The following ZNF169 variants were observed in gnomAD, a reference collection of about 807,000 sequenced individuals.
ZNF169 encodes zinc finger protein 169.
A neutral mutation model predicts 12.0 loss-of-function variants in ZNF169; 11 were observed. The observed-to-expected ratio is 0.92, with a 90% CI of 0.58 to 1.52. The LOEUF is 1.52. Ranked by LOEUF, ZNF169 falls within the 40% of genes most tolerant of loss-of-function variation. The pLI is 0.00. For missense variants in ZNF169, 722 were observed against 744.0 expected (o/e 0.97, Z 0.34); for synonymous variants, 302 against 286.5 (o/e 1.05, Z -0.55).
At chr9:94,264,236 A>C (rs1483570254) in intron 1 of ZNF169, among the ~76,000 whole-genome samples, 1 of 152,170 alleles carries the variant, frequency 6.6e-6, no homozygotes, top group Non-Finnish European at 1.5e-5. Flanking sequence ...TCGCGGGTTC[A>C]AGCGCTTCTC....
chr9:94,297,184 T>C (rs918605405), intron 4 of ZNF169, among the ~76,000 whole-genome samples: 4 of 152,362 alleles, frequency 2.6e-5, no homozygotes, highest in Middle Eastern at 3.4e-3. Flanking sequence ...GAGATTTTGA[T>C]TGGGATCGAG....
In ZNF169 at chr9:94,273,686, T is replaced by A. The variant is rs370414644; in HGVS notation, c.-55-5072T>A. Among the ~76,000 whole-genome samples the A allele has an allele frequency of 9.9e-5, 15 of 151,664 alleles. No individual in the cohort carries two copies. The South Asian group carries it at 1.5e-3, about 15-fold the overall frequency. On this transcript the variant is annotated intron_variant, in intron 1 of 4. Transcript: ENST00000395395. Reference sequence around the variant, plus strand: ...ACTCCGCCTCCCGGGTTCACGCCATTCTCCTGCCTCAGCCTCCCGAGTAGC... The same window carrying A: ...ACTCCGCCTCCCGGGTTCACGCCATACTCCTGCCTCAGCCTCCCGAGTAGC...
intron 2 of ZNF169, among the ~76,000 whole-genome samples, chr9:94,291,235 G>C (rs532680934): frequency 4.6e-5 from 7 of 151,622 alleles, no homozygotes; most frequent in Non-Finnish European, 7.4e-5. Context: ...TGTATTTTTG[G>C]TAGAGATGGT....
chr9:94,263,112 A>G (rs1488580645), intron 1 of ZNF169, among the ~76,000 whole-genome samples: 1 of 151,948 alleles, frequency 6.6e-6, no homozygotes, highest in African/African-American at 2.4e-5. Context: ...GTTAGTTATT[A>G]TGTTCAAATC....
rs1831016346 is a variant in ZNF169, at chr9:94,299,735, C to T, written c.257-80C>T. 8 of 1,523,742 alleles carry T rather than the reference C, an allele frequency of 5.3e-6. No individual in the cohort carries two copies. The African/African-American group carries it at 6.9e-5, about 13-fold the overall frequency. 94.4% of individuals were successfully genotyped at this position (1,523,742 alleles called of 1,614,324 possible). ...TTGGAAGATAAGTCTTTGTTGTGAACATCTGAAGAAAACTGCTGGGCAGGT... is the reference window on the plus strand; with the variant it reads ...TTGGAAGATAAGTCTTTGTTGTGAATATCTGAAGAAAACTGCTGGGCAGGT... On this transcript the variant is annotated intron_variant, in intron 4 of 4. Coordinates refer to ENST00000395395, the MANE Select transcript of ZNF169 (RefSeq NM_194320.4).
intron 4 of ZNF169, 127 bp downstream of exon 4, chr9:94,293,196 G>A (rs1347809734): frequency 2.4e-6 from 2 of 829,962 alleles, no homozygotes; most frequent in South Asian, 1.4e-5. Context: ...CACTGGTAAA[G>A]GCTGCATGGC....
At chr9:94,270,873 A>G in intron 1 of ZNF169, among the ~76,000 whole-genome samples, 1 of 35,148 alleles carries the variant, frequency 2.8e-5, no homozygotes, top group East Asian at 1.0e-3. Flanking sequence ...TAATATATAT[A>G]TTATATTATA....
rs141724271 is a variant in ZNF169 at position 94,261,022 on chromosome 9, T to TTTTGTTTG, written c.-56+1697_-56+1704dup. ...ATTTTTAGTAGAGACGGGGTTTGTT[T>TTTTGTTTG]TTTGTTTGTTTGTTTGTTTGTTTGT... is the stretch of plus-strand genomic sequence containing the variant. On this transcript the variant is annotated intron_variant, in intron 1 of 4. Coordinates refer to ENST00000395395, the MANE Select transcript of ZNF169 (RefSeq NM_194320.4). 1.2e-4 allele frequency among the ~76,000 whole-genome samples: 18 copies of TTTTGTTTG among 147,846 alleles called. No individual in the cohort carries two copies. The South Asian group carries it at 3.4e-3, about 28-fold the overall frequency.
chr9:94,298,509 C>T (rs758451751), intron 4 of ZNF169, among the ~76,000 whole-genome samples: 1 of 151,650 alleles, frequency 6.6e-6, no homozygotes, highest in Admixed American at 6.6e-5. Context: ...GGTGAAACCC[C>T]GTCTCTCACC....
Position 94,293,058 on chromosome 9 carries a change from A to G in ZNF169, c.245A>G (p.Asp82Gly). The G allele has an allele frequency of 3.7e-6, 6 of 1,612,842 alleles. No individual in the cohort carries two copies. The highest frequency in any genetic ancestry group is 5.1e-6 in the Non-Finnish European group (6 of 1,179,432). Reference protein sequence around the residue: ...PWREENEHLLDLCPEPRTEFQ... With the variant: ...PWREENEHLLGLCPEPRTEFQ... ...AGAGAGGAGAACGAACATCTTCTGG[A>G]CCTTTGTCCAGGTGAGTGGGAAGCC... Residue 82 changes from aspartate to glycine, a missense_variant, in exon 4 of 5, where the codon GAC becomes GGC. Asp to Gly is a moderately conservative substitution (Grantham distance 94). Transcript: ENST00000395395.
rs778542983 is a variant in ZNF169 at position 94,301,249 on chromosome 9, A to G, written c.1691A>G (p.His564Arg). The change falls in exon 5 of 5, where the codon CAT (histidine) becomes CGT (arginine). Residue 564 changes from histidine to arginine, a missense_variant. His to Arg is a conservative substitution (Grantham distance 29, BLOSUM62 0). Transcript: ENST00000395395. The stretch of plus-strand genomic sequence containing the variant: ...GCCCTCATCCGACATCAGCGGACCC[A>G]TTCTGGGGAGAAGCCGTATGTCTGC... ...KSALIRHQRT[H>R]SGEKPYVCRE... 2 of 1,613,932 alleles carry G rather than the reference A, an allele frequency of 1.2e-6. No individual in the cohort carries two copies. The highest frequency in any genetic ancestry group is 1.3e-5 in the African/African-American group (1 of 74,880).
At chr9:94,286,727 A>T (rs373282974) in intron 2 of ZNF169, among the ~76,000 whole-genome samples, 1 of 152,334 alleles carries the variant, frequency 6.6e-6, no homozygotes, top group African/African-American at 2.4e-5. Flanking sequence ...TTACAATCAT[A>T]CAGACTCTTC....
chr9:94,282,732 A>G (rs527990915), intron 2 of ZNF169, among the ~76,000 whole-genome samples: 1 of 152,154 alleles, frequency 6.6e-6, no homozygotes, highest in South Asian at 2.1e-4. Context: ...TGTTGTGTAC[A>G]GGAGACTTTG....
intron 2 of ZNF169, among the ~76,000 whole-genome samples, chr9:94,279,357 C>T (rs565736223): frequency 4.0e-5 from 6 of 151,892 alleles, no homozygotes; most frequent in Admixed American, 1.3e-4. Flanking sequence ...CGCCACTGCA[C>T]TCCAGCCTGG....
At chr9:94,298,403 G>T (rs142045087) in intron 4 of ZNF169, among the ~76,000 whole-genome samples, 3 of 151,864 alleles carry the variant, frequency 2.0e-5, no homozygotes, top group Non-Finnish European at 4.4e-5. Context: ...TAGTCCTGCC[G>T]AGCGCAGTGG....
At chr9:94,277,890 C>T (rs1830553277) in intron 1 of ZNF169, among the ~76,000 whole-genome samples, 1 of 151,088 alleles carries the variant, frequency 6.6e-6, no homozygotes, top group South Asian at 2.1e-4. Flanking sequence ...CGAGATTGCG[C>T]CACTGCACTC....
intron 4 of ZNF169, 114 bp downstream of exon 4, chr9:94,293,183 G>A (rs752619819): frequency 2.1e-6 from 2 of 930,560 alleles, no homozygotes; most frequent in East Asian, 2.6e-5. Flanking sequence ...AGGCCTCCTA[G>A]GCCACTGGTA....
At chr9:94,292,630 TGTGTGTGTGTGC>T in intron 3 of ZNF169, 163 bp downstream of exon 3, 1 of 852,628 alleles carries the variant, frequency 1.2e-6, no homozygotes, top group South Asian at 1.8e-5. Context: ...TGTGTGTGTG[TGTGTGTGTGTGC>T]GCGTGCACAT....
At chr9:94,291,302 T>G (rs762716017) in intron 2 of ZNF169, among the ~76,000 whole-genome samples, 8 of 152,086 alleles carry the variant, frequency 5.3e-5, no homozygotes, top group Admixed American at 5.2e-4. Context: ...TCCACCCGCC[T>G]TGTCCTCTCA....
Sources: gnomAD v4.1 joint callset for allele counts (sites outside exome capture counted in the v4.1 genomes callset) on GRCh38, gnomAD v4.1.1 for gene constraint, MANE v1.5 for transcripts, NCBI Gene and HGNC (gene_info 2026-07-23, HGNC 2026-07-21) for gene names.